Variants in CADM2 observed in about 807,000 individuals in gnomAD.
The protein encoded by CADM2 is cell adhesion molecule 2.
In CADM2, 12 loss-of-function variants were observed where a neutral mutation model predicts 49.8. The ratio of observed to expected loss-of-function variants is 0.24; its 90% CI spans 0.15 to 0.39. CADM2 has a LOEUF of 0.39. CADM2 is among the 10% of genes least tolerant of loss of function. CADM2 has a pLI of 1.00. For missense variants in CADM2, 378 were observed against 492.3 expected, an observed-to-expected ratio of 0.77 and a Z score of 2.20; for synonymous variants, 214 against 175.4, an observed-to-expected ratio of 1.22 and a Z score of -1.74.
intron 1 of CADM2, among the ~76,000 whole-genome samples, chr3:85,026,487 C>T (rs907779450): frequency 6.6e-6 from 1 of 152,068 alleles, no homozygotes; most frequent in African/African-American, 2.4e-5. Context: ...TGCTATTAAA[C>T]TTGATAGCTT....
intron 1 of CADM2, among the ~76,000 whole-genome samples, chr3:85,563,104 A>G (rs1002240107): frequency 3.3e-5 from 5 of 152,108 alleles, no homozygotes; most frequent in Non-Finnish European, 7.4e-5. Flanking sequence ...TAGATAAGAA[A>G]ATTTTACTGG....
chr3:85,564,655 A>G (rs965664486), intron 1 of CADM2, among the ~76,000 whole-genome samples: 14 of 152,126 alleles, frequency 9.2e-5, no homozygotes, highest in Admixed American at 1.3e-4. Context: ...TAATTTTAAC[A>G]TGCATACTTA....
chr3:85,260,685 G>A (rs536047302), intron 1 of CADM2, among the ~76,000 whole-genome samples: 17 of 152,222 alleles, frequency 1.1e-4, no homozygotes, highest in African/African-American at 4.1e-4. Flanking sequence ...CAGATTATTT[G>A]CAATTTCTAC....
chr3:85,945,422 G>T (rs530138783), intron 7 of CADM2, among the ~76,000 whole-genome samples: 1 of 151,816 alleles, frequency 6.6e-6, no homozygotes, highest in African/African-American at 2.4e-5. Flanking sequence ...TCCCCAACTC[G>T]TTTTATGAGG....
intron 1 of CADM2, among the ~76,000 whole-genome samples, chr3:85,564,822 G>C (rs144517959): frequency 2.0e-5 from 3 of 152,050 alleles, no homozygotes; most frequent in Admixed American, 2.0e-4. Context: ...ACTATCTTAG[G>C]ATGCTAAGAA....
chr3:85,416,548 A>G (rs530998522), intron 1 of CADM2, among the ~76,000 whole-genome samples: 7 of 152,186 alleles, frequency 4.6e-5, no homozygotes, highest in Non-Finnish European at 1.0e-4. Context: ...TTAAATTGCC[A>G]TTTATGTTGA....
chr3:85,881,023 C>G (rs1021071629), intron 3 of CADM2, among the ~76,000 whole-genome samples: 1 of 152,130 alleles, frequency 6.6e-6, no homozygotes, highest in African/African-American at 2.4e-5. Context: ...AATGATATCA[C>G]TGATGGATAT....
intron 1 of CADM2, among the ~76,000 whole-genome samples, chr3:85,706,663 A>T (rs897668770): frequency 6.6e-6 from 1 of 152,200 alleles, no homozygotes; most frequent in African/African-American, 2.4e-5. Context: ...TAACTGAAAT[A>T]TGAAAAAATA....
intron 1 of CADM2, among the ~76,000 whole-genome samples, chr3:85,573,509 A>G (rs73843662): frequency 0.011 from 1,704 of 152,236 alleles, 35 homozygotes; most frequent in African/African-American, 0.039. Flanking sequence ...GCCTATATAT[A>G]AAAGTGTGTG....
intron 1 of CADM2, among the ~76,000 whole-genome samples, chr3:85,433,302 A>T (rs533620537): frequency 2.3e-4 from 35 of 152,260 alleles, no homozygotes; most frequent in Non-Finnish European, 4.7e-4. Context: ...GTCTATAGTG[A>T]TAATTTCATA....
rs960430169 is a variant in CADM2 at position 84,989,946 on chromosome 3, A to G, written c.61+30278A>G. ...AAGAAAAAAGTTATTTAAAAATGAA[A>G]GAAACTTATAACTTTGAAGAAAATT... On this transcript the variant is annotated intron_variant, in intron 1 of 9. Coordinates refer to ENST00000383699, the MANE Select transcript of CADM2 (RefSeq NM_001167675.2). Among the ~76,000 whole-genome samples the G allele has an allele frequency of 9.9e-5, 15 of 152,096 alleles. 1 individual carries two copies. Among genetic ancestry groups the G allele is most frequent in the African/African-American group, 3.4e-4 (14 of 41,576 alleles).
chr3:85,184,989 T>A (rs999243348), intron 1 of CADM2, among the ~76,000 whole-genome samples: 2 of 152,120 alleles, frequency 1.3e-5, no homozygotes, highest in African/African-American at 2.4e-5. Flanking sequence ...TAATCAGTAC[T>A]TTGAAACATC....
intron 1 of CADM2, among the ~76,000 whole-genome samples, chr3:85,371,696 T>G (rs2107320719): frequency 7.0e-6 from 1 of 142,348 alleles, no homozygotes; most frequent in African/African-American, 2.6e-5. Context: ...TATATATATA[T>G]ATATATATAT....
intron 1 of CADM2, among the ~76,000 whole-genome samples, chr3:85,037,297 G>A (rs1216898305): frequency 1.3e-5 from 2 of 152,190 alleles, no homozygotes; most frequent in African/African-American, 4.8e-5. Flanking sequence ...GTATTTCCCT[G>A]CTAGTGCTTC....
intron 1 of CADM2, among the ~76,000 whole-genome samples, chr3:85,188,635 C>T (rs1021352861): frequency 2.6e-5 from 4 of 151,676 alleles, no homozygotes; most frequent in African/African-American, 9.7e-5. Flanking sequence ...ATCAGTATAA[C>T]CTAGTTTGAA....
At chr3:85,821,413 A>G (rs2073559170) in intron 3 of CADM2, among the ~76,000 whole-genome samples, 1 of 152,316 alleles carries the variant, frequency 6.6e-6, no homozygotes, top group African/African-American at 2.4e-5. Context: ...TTAAGTCTAT[A>G]TCACCCACTT....
chr3:84,990,700 G>A (rs1319503288), intron 1 of CADM2, among the ~76,000 whole-genome samples: 1 of 152,004 alleles, frequency 6.6e-6, no homozygotes, highest in African/African-American at 2.4e-5. Context: ...CCCTTTACAG[G>A]AATCAAAGTG....
chr3:85,928,951 G>A (rs189883874), intron 6 of CADM2, among the ~76,000 whole-genome samples: 54 of 152,130 alleles, frequency 3.5e-4, no homozygotes, highest in Middle Eastern at 3.4e-3. Flanking sequence ...TAAATACAAC[G>A]TTGAAAGGAC....
At chr3:85,946,459 C>T (rs1722710873) in intron 7 of CADM2, among the ~76,000 whole-genome samples, 1 of 152,026 alleles carries the variant, frequency 6.6e-6, no homozygotes, top group Admixed American at 6.6e-5. Flanking sequence ...CAAAAAAGAG[C>T]CCGCATCGCC....
Sources: gnomAD v4.1 joint callset for allele counts (sites outside exome capture counted in the v4.1 genomes callset) on GRCh38, gnomAD v4.1.1 for gene constraint, MANE v1.5 for transcripts, NCBI Gene and HGNC (gene_info 2026-07-23, HGNC 2026-07-21) for gene names.